PROP1: variants seen among roughly 807,000 people sequenced by gnomAD.
PROP1 encodes the protein PROP paired-like homeobox 1, also known as homeobox protein prophet of Pit-1.
A neutral mutation model predicts 22.3 loss-of-function variants in PROP1; 12 were observed. The ratio of observed to expected loss-of-function variants is 0.54; its 90% confidence interval spans 0.34 to 0.87. The LOEUF (loss-of-function observed/expected upper bound fraction) is 0.87, where lower values mean the gene tolerates loss of function less well. PROP1 is among the 40% of genes least tolerant of loss of function. PROP1 has a pLI of 0.01. For synonymous variants in PROP1, 112 were observed against 116.7 expected (o/e 0.96, Z 0.26); for missense variants, 278 against 295.1 (o/e 0.94, Z 0.43).
chr5:177,993,347 T>C (rs1582663350), intron 2 of PROP1, among the ~76,000 whole-genome samples: 2 of 152,338 alleles, frequency 1.3e-5, no homozygotes, highest in Admixed American at 1.3e-4. Flanking sequence ...AATGGGAAAT[T>C]TCCCCTAGGG....
intron 1 of PROP1, among the ~76,000 whole-genome samples, chr5:177,994,921 A>G (rs1322792832): frequency 3.9e-5 from 6 of 152,028 alleles, no homozygotes; most frequent in Non-Finnish European, 8.8e-5. Flanking sequence ...CTGTCTGCCC[A>G]CTTCCTATTG....
chr5:177,992,967 G>A lies in PROP1; in HGVS notation c.423C>T (p.Ala141=), dbSNP rs200977367. The part of the protein sequence containing the change: ...LLQPLAHLSP[A]AFSSFLPEST... ...ACTCTGGCAAGAAGCTGGAAAAGGC[G>A]GCAGGAGACAGATGGGCCAGAGGCT... Residue 141 remains alanine, a synonymous_variant, in exon 3 of 3, where the codon GCC becomes GCT. Transcript: ENST00000308304. The A allele has an allele frequency of 3.0e-5, 48 of 1,613,908 alleles. No homozygotes were observed. Among genetic ancestry groups the A allele is most frequent in the Admixed American group, 1.3e-4 (8 of 59,980 alleles).
intron 1 of PROP1, among the ~76,000 whole-genome samples, chr5:177,995,449 A>G (rs1021366619): frequency 6.6e-6 from 1 of 151,852 alleles, no homozygotes; most frequent in African/African-American, 2.4e-5. Flanking sequence ...ACTGTCCACC[A>G]TGGGGGACAC....
chr5:177,994,396 C>T, intron 1 of PROP1, 58 bp from the exon 2 acceptor site: 1 of 1,420,520 alleles, frequency 7.0e-7, no homozygotes. Flanking sequence ...CGGTGCTGGA[C>T]CACATGTGCC....
intron 1 of PROP1, 42 bp from the exon 2 acceptor site, chr5:177,994,380 G>A (rs1245129188): frequency 2.0e-6 from 3 of 1,484,092 alleles, no homozygotes; most frequent in Non-Finnish European, 2.7e-6. Context: ...TGAGGAGGAC[G>A]CTCCTCGGTG....
In PROP1 at chr5:177,996,129, T is replaced by G; in HGVS notation, c.-196A>C. Reference sequence around the variant, plus strand: ...TGTCTTTACTTTTTTTCTAATTGTTTCCTAATTCCCCCTTCCTTGGCTTGA... The same window carrying G: ...TGTCTTTACTTTTTTTCTAATTGTTGCCTAATTCCCCCTTCCTTGGCTTGA... On this transcript the variant is annotated 5_prime_UTR_variant, in exon 1 of 3. Transcript: ENST00000308304. 1.6e-6 allele frequency: 1 copy of G among 619,600 alleles called. No individual in the cohort carries two copies. Among genetic ancestry groups the G allele is most frequent in the South Asian group, 1.9e-5 (1 of 51,650 alleles). 38.4% of individuals were successfully genotyped at this position (619,600 alleles called of 1,614,324 possible).
At position 177,995,901 on chromosome 5, in the gene PROP1, CT is replaced by C. The variant is rs749423825; in HGVS notation, c.32del (p.Lys11SerfsTer154). The C allele has an allele frequency of 6.2e-7, 1 of 1,614,074 alleles. No homozygotes were observed. Among genetic ancestry groups the C allele is most frequent in the Admixed American group, 1.7e-5 (1 of 60,032 alleles). MEAERRRQAE[K>X]PKKGRVGSNL... is the part of the protein sequence containing the mutation. The stretch of plus-strand genomic sequence containing the variant: ...TGCTGCCGACTCGCCCCTTCTTTGG[CT>C]TCTCAGCCTGGCGCCTCCTTTCTGC... On this transcript the variant is annotated frameshift_variant, in exon 1 of 3. Coordinates refer to ENST00000308304, the MANE Select transcript of PROP1 (RefSeq NM_006261.5). LOFTEE classifies it high-confidence loss of function.
In PROP1 at chr5:177,994,256, G is replaced by A. The variant is rs1205261811; in HGVS notation, c.192C>T (p.Gly64=). 6.2e-7 allele frequency: 1 copy of A among 1,613,928 alleles called. No individual in the cohort carries two copies. Among genetic ancestry groups the A allele is most frequent in the Admixed American group, 1.7e-5 (1 of 60,004 alleles). The stretch of plus-strand genomic sequence containing the variant: ...GGTGGCGGCGCCGGGAGTGCGGGCG[G>A]CCCCTCTGTCCTCCTTGCGGGGAGA... ...SRFSPQGGQR[G]RPHSRRRHRT... is the part of the protein sequence containing the mutation. The change falls in exon 2 of 3, where the codon GGC becomes GGT. Residue 64 remains glycine (G), a synonymous_variant. Coordinates refer to ENST00000308304, the MANE Select transcript of PROP1 (RefSeq NM_006261.5).
Position 177,992,512 on chromosome 5 carries a change from G to GACCTGCTTCC in PROP1, c.*196_*197insGGAAGCAGGT. 1 of 572,398 alleles carries GACCTGCTTCC rather than the reference G, an allele frequency of 1.7e-6. No homozygotes were observed. The allele number at this position is 572,398 out of a possible 1,614,324, so 35.5% of individuals were successfully genotyped here. ...GCATCTTGCCCTGTCTCTTCCAGTA[G>GACCTGCTTCC]CTCACCTCCCCAGACTTCCTCCACT... On this transcript the variant is annotated 3_prime_UTR_variant, in exon 3 of 3. Transcript: ENST00000308304.
At position 177,996,149 on chromosome 5, in the gene PROP1, G is replaced by A; in HGVS notation, c.-216C>T. On this transcript the variant is annotated 5_prime_UTR_variant, in exon 1 of 3. Coordinates refer to ENST00000308304, the MANE Select transcript of PROP1 (RefSeq NM_006261.5). ...TTGTTTCCTAATTCCCCCTTCCTTG[G>A]CTTGAGTGTCAGCTCAATCTCCTGC... The A allele has an allele frequency of 1.7e-6, 1 of 591,802 alleles. No individual in the cohort carries two copies. The highest frequency in any genetic ancestry group is 3.0e-6 in the Non-Finnish European group (1 of 330,588). 36.7% of individuals were successfully genotyped at this position (591,802 alleles called of 1,614,324 possible). A position where few individuals can be genotyped will look rare whatever the true frequency, so the allele number is the denominator to read the frequency against.
rs1370619054 is a variant in PROP1 at position 177,994,333 on chromosome 5, T to A, written c.115A>T (p.Ser39Cys). ...GGGAGCCTTCTGCAGGGTGGAGCAC[T>A]CGAGTCTGAGAACGGAGAGAAGGGA... ...TGTPTTTVDS[S>C]APPCRRLPGA... The change falls in exon 2 of 3, where the codon AGT (serine) becomes TGT (cysteine). Residue 39 changes from serine (S) to cysteine (C), a missense_variant. Transcript: ENST00000308304. 1 of 1,594,448 alleles carries A rather than the reference T, an allele frequency of 6.3e-7. No individual in the cohort carries two copies. Among genetic ancestry groups the A allele is most frequent in the Non-Finnish European group, 8.5e-7 (1 of 1,169,826 alleles).
chr5:177,994,742 GCC>G (rs1230944134), intron 1 of PROP1, among the ~76,000 whole-genome samples: 6 of 152,004 alleles, frequency 3.9e-5, no homozygotes, highest in African/African-American at 1.4e-4. Context: ...ACCCAGCCCT[GCC>G]CCACCGGGAA....
chr5:177,996,030 T>A lies in PROP1; in HGVS notation c.-97A>T. The A allele has an allele frequency of 9.9e-7, 1 of 1,013,864 alleles. No individual in the cohort carries two copies. Among genetic ancestry groups the A allele is most frequent in the South Asian group, 1.3e-5 (1 of 75,782 alleles). The allele number at this position is 1,013,864 out of a possible 1,614,324, so 62.8% of individuals were successfully genotyped here. ...CACCTGTTCCCTCCCCTTCTCCCTC[T>A]GTGTATGCCACCCTCTGGGACTCTG... On this transcript the variant is annotated 5_prime_UTR_variant, in exon 1 of 3. Coordinates refer to ENST00000308304, the MANE Select transcript of PROP1 (RefSeq NM_006261.5).
At position 177,993,006 on chromosome 5, in the gene PROP1, C is replaced by G. The variant is rs778000934; in HGVS notation, c.384G>C (p.Glu128Asp). The G allele has an allele frequency of 2.5e-6, 4 of 1,613,838 alleles. No individual in the cohort carries two copies. In the African/African-American group the frequency reaches 4.0e-5, roughly 16 times the overall value. The change falls in exon 3 of 3, where the codon GAG (glutamate) becomes GAC (aspartate). Residue 128 changes from glutamate (E) to aspartate (D), a missense_variant. Coordinates refer to ENST00000308304, the MANE Select transcript of PROP1 (RefSeq NM_006261.5). ...GGGCCAGAGGCTGAAGCAGTGAGCGCTCTTGCTTCCGTTGCTTAGCTCTGC... is the reference window on the plus strand; with the variant it reads ...GGGCCAGAGGCTGAAGCAGTGAGCGGTCTTGCTTCCGTTGCTTAGCTCTGC... ...QNRRAKQRKQ[E>D]RSLLQPLAHL...
chr5:177,995,295 C>G (rs953652152), intron 1 of PROP1, among the ~76,000 whole-genome samples: 3 of 152,158 alleles, frequency 2.0e-5, no homozygotes, highest in Non-Finnish European at 4.4e-5. Context: ...TCCCTAAGCC[C>G]CCACACTAAT....
Position 177,992,572 on chromosome 5 carries a change from T to G in PROP1, c.*137A>C, listed in dbSNP as rs879539999. On this transcript the variant is annotated 3_prime_UTR_variant, in exon 3 of 3. Coordinates refer to ENST00000308304, the MANE Select transcript of PROP1 (RefSeq NM_006261.5). The stretch of plus-strand genomic sequence containing the variant: ...AGTGAGAATTCACCATGATCTCCCA[T>G]TTTTAAATTTCTAATCGCTGAGCTG... 4 of 649,556 alleles carry G rather than the reference T, an allele frequency of 6.2e-6. No individual in the cohort carries two copies. Among genetic ancestry groups the G allele is most frequent in the African/African-American group, 3.6e-5 (2 of 54,802 alleles). 40.2% of individuals were successfully genotyped at this position (649,556 alleles called of 1,614,324 possible). A position where few individuals can be genotyped will look rare whatever the true frequency, so the allele number is the denominator to read the frequency against.
At chr5:177,993,160 G>A in intron 2 of PROP1, 113 bp from the exon 3 acceptor site, 1 of 924,794 alleles carries the variant, frequency 1.1e-6, no homozygotes, top group South Asian at 1.4e-5. Context: ...CATGGCCAGA[G>A]GGAGTAAAGC....
chr5:177,994,877 C>T (rs1386676258), intron 1 of PROP1, among the ~76,000 whole-genome samples: 2 of 152,124 alleles, frequency 1.3e-5, no homozygotes, highest in Non-Finnish European at 2.9e-5. Context: ...ATTCCTGGCC[C>T]TGGCACTCAT....
At chr5:177,995,391 G>A (rs375821161) in intron 1 of PROP1, among the ~76,000 whole-genome samples, 9 of 152,040 alleles carry the variant, frequency 5.9e-5, no homozygotes, top group African/African-American at 1.9e-4. Context: ...GTCTGGAGCC[G>A]AGGCACCATC....
Sources: gnomAD v4.1 joint callset for allele counts (sites outside exome capture counted in the v4.1 genomes callset) on GRCh38, gnomAD v4.1.1 for gene constraint, MANE v1.5 for transcripts, NCBI Gene and HGNC (gene_info 2026-07-23, HGNC 2026-07-21) for gene names.